The following WIPF3 variants were observed in gnomAD, a reference collection of about 807,000 sequenced individuals.
The protein encoded by WIPF3 is WAS/WASL-interacting protein family member 3.
WIPF3 carries 33 observed loss-of-function variants against 38.9 expected under a neutral mutation model. The observed-to-expected ratio is 0.85, with a 90% confidence interval of 0.64 to 1.14. The LOEUF (loss-of-function observed/expected upper bound fraction) is 1.14. WIPF3 is among the 50% of genes most tolerant of loss of function. The pLI is 0.00. For missense variants in WIPF3, 711 were observed against 652.5 expected, an observed-to-expected ratio of 1.09 and a Z score of -0.98; for synonymous variants, 324 against 269.3, an observed-to-expected ratio of 1.20 and a Z score of -1.99.
intron 2 of WIPF3, among the ~76,000 whole-genome samples, chr7:29,835,756 G>A (rs755736413): frequency 7.3e-4 from 111 of 152,302 alleles, no homozygotes; most frequent in Admixed American, 2.2e-3. Context: ...TCTGTTTTCC[G>A]TGGAAAATGA....
chr7:29,808,368 T>A (rs1001956356), intron 1 of WIPF3, among the ~76,000 whole-genome samples: 2 of 152,238 alleles, frequency 1.3e-5, no homozygotes, highest in African/African-American at 4.8e-5. Context: ...CATCACCTCC[T>A]GTGATTCGCA....
chr7:29,876,264 T>C (rs1393256017), intron 3 of WIPF3, among the ~76,000 whole-genome samples: 2 of 152,268 alleles, frequency 1.3e-5, no homozygotes, highest in African/African-American at 4.8e-5. Flanking sequence ...ATTTTAACCA[T>C]TTTAAAGTGT....
chr7:29,883,182 A>G (rs1468618520), intron 4 of WIPF3, among the ~76,000 whole-genome samples: 1 of 152,224 alleles, frequency 6.6e-6, no homozygotes, highest in African/African-American at 2.4e-5. Context: ...TGAAGGATCT[A>G]TAGGATGAGA....
rs908693338 is a variant in WIPF3, at chr7:29,914,081, C to G, written c.1429-412C>G. Among the ~76,000 whole-genome samples the G allele has an allele frequency of 2.0e-5, 3 of 152,288 alleles. 1 individual carries two copies. In the South Asian group the frequency reaches 6.2e-4, roughly 32 times the overall value. On this transcript the variant is annotated intron_variant, in intron 8 of 8. Coordinates refer to ENST00000242140, the MANE Select transcript of WIPF3 (RefSeq NM_001080529.3). ...TGCAAACAATACCCCAGGGACTGCT[C>G]TTTTTTATGGCTAGAGTGGTCAGTG... is the stretch of plus-strand genomic sequence containing the variant.
At chr7:29,828,355 A>G (rs1434455794) in intron 1 of WIPF3, among the ~76,000 whole-genome samples, 1 of 152,202 alleles carries the variant, frequency 6.6e-6, no homozygotes, top group Non-Finnish European at 1.5e-5. Context: ...TCACTTCTGA[A>G]TGAGTACAGA....
chr7:29,822,983 T>C (rs1018400830), intron 1 of WIPF3, among the ~76,000 whole-genome samples: 3 of 152,246 alleles, frequency 2.0e-5, no homozygotes, highest in African/African-American at 7.2e-5. Flanking sequence ...ATCCTTACTT[T>C]AAAAAATTAC....
chr7:29,842,853 G>T (rs1171866300), intron 2 of WIPF3, among the ~76,000 whole-genome samples: 2 of 152,146 alleles, frequency 1.3e-5, no homozygotes, highest in Non-Finnish European at 2.9e-5. Flanking sequence ...CATGTCTGCT[G>T]GTTCATTTGG....
chr7:29,909,666 G>T (rs533183535), intron 8 of WIPF3, among the ~76,000 whole-genome samples: 1 of 152,158 alleles, frequency 6.6e-6, no homozygotes, highest in South Asian at 2.1e-4. Flanking sequence ...GGAGGTTAAG[G>T]TGGGAGAATT....
intron 4 of WIPF3, among the ~76,000 whole-genome samples, chr7:29,881,270 T>A (rs1785710139): frequency 6.6e-6 from 1 of 152,236 alleles, no homozygotes. Context: ...TTTATCTGTT[T>A]ATTGTCTGTC....
At chr7:29,888,997 A>C (rs1162027389) in intron 6 of WIPF3, among the ~76,000 whole-genome samples, 1 of 152,160 alleles carries the variant, frequency 6.6e-6, no homozygotes, top group Admixed American at 6.5e-5. Flanking sequence ...TGGACCCTGG[A>C]GAGCCCCATG....
intron 2 of WIPF3, among the ~76,000 whole-genome samples, chr7:29,836,257 A>C (rs1339633759): frequency 6.6e-6 from 1 of 152,274 alleles, no homozygotes; most frequent in Non-Finnish European, 1.5e-5. Flanking sequence ...TATCATATGG[A>C]TCTTGCAAGC....
intron 2 of WIPF3, among the ~76,000 whole-genome samples, chr7:29,847,705 G>A (rs924421255): frequency 1.3e-5 from 2 of 152,150 alleles, no homozygotes; most frequent in African/African-American, 4.8e-5. Flanking sequence ...CTGGAATGAG[G>A]TCTTATGACC....
chr7:29,902,506 T>C (rs1786308504), intron 7 of WIPF3, among the ~76,000 whole-genome samples: 1 of 152,144 alleles, frequency 6.6e-6, no homozygotes, highest in Non-Finnish European at 1.5e-5. Context: ...TTATAATGAC[T>C]TATATATGTT....
intron 2 of WIPF3, among the ~76,000 whole-genome samples, chr7:29,853,525 T>TA (rs1198448411): frequency 2.6e-5 from 4 of 152,196 alleles, no homozygotes; most frequent in Non-Finnish European, 5.9e-5. Context: ...CAGTCAGTAT[T>TA]AGGAGACTAG....
chr7:29,874,341 G>T lies in WIPF3; in HGVS notation c.91-1489G>T, dbSNP rs376405676. ...AACAGACAGAATATTTTTTCCTGAT[G>T]TGGAGTCCTTGGGGTTAATGAACAT... On this transcript the variant is annotated intron_variant, in intron 2 of 8. Transcript: ENST00000242140. 2.0e-4 allele frequency among the ~76,000 whole-genome samples: 30 copies of T among 152,198 alleles called. No homozygotes were observed. In the East Asian group the frequency reaches 2.9e-3, roughly 15 times the overall value.
chr7:29,845,512 A>G (rs1280637699), intron 2 of WIPF3, among the ~76,000 whole-genome samples: 2 of 152,234 alleles, frequency 1.3e-5, no homozygotes, highest in Non-Finnish European at 2.9e-5. Context: ...TTGGCTTCTT[A>G]TTCCTAGACT....
intron 2 of WIPF3, among the ~76,000 whole-genome samples, chr7:29,864,914 T>C (rs984168755): frequency 2.0e-5 from 3 of 152,214 alleles, no homozygotes; most frequent in Non-Finnish European, 4.4e-5. Flanking sequence ...TTATTGGATC[T>C]CTGGCTTTAT....
intron 2 of WIPF3, among the ~76,000 whole-genome samples, chr7:29,848,986 T>C (rs1190672739): frequency 6.6e-6 from 1 of 152,170 alleles, no homozygotes; most frequent in Non-Finnish European, 1.5e-5. Flanking sequence ...AGGAAGGAGT[T>C]ATGTAGCATG....
chr7:29,881,386 C>T (rs995208579), intron 4 of WIPF3, among the ~76,000 whole-genome samples: 9 of 152,318 alleles, frequency 5.9e-5, no homozygotes, highest in African/African-American at 2.2e-4. Flanking sequence ...TGCTGAATTG[C>T]ATGTGTGAAT....
Sources: gnomAD v4.1 joint callset for allele counts (sites outside exome capture counted in the v4.1 genomes callset) on GRCh38, gnomAD v4.1.1 for gene constraint, MANE v1.5 for transcripts, NCBI Gene and HGNC (gene_info 2026-07-23, HGNC 2026-07-21) for gene names.